WWP2: variants seen among roughly 807,000 people sequenced by gnomAD.
The protein encoded by WWP2 is NEDD4-like E3 ubiquitin-protein ligase WWP2.
In WWP2, 57 loss-of-function variants were observed where a neutral mutation model predicts 121.0. The observed-to-expected ratio is 0.47, with a 90% CI of 0.38 to 0.59. The LOEUF is 0.59. WWP2 is among the 20% of genes least tolerant of loss of function. The pLI is 0.00. For synonymous variants in WWP2, 449 were observed against 441.3 expected (o/e 1.02, Z -0.22); for missense variants, 962 against 1,158.9 (o/e 0.83, Z 2.47).
chr16:69,856,216 G>A (rs181239257), intron 6 of WWP2, among the ~76,000 whole-genome samples: 1 of 152,316 alleles, frequency 6.6e-6, no homozygotes, highest in Admixed American at 6.5e-5. Flanking sequence ...AGAAGCTTAT[G>A]TTCTATATGA....
At chr16:69,771,338 C>T (rs2055410824) in intron 1 of WWP2, among the ~76,000 whole-genome samples, 1 of 152,174 alleles carries the variant, frequency 6.6e-6, no homozygotes, top group Admixed American at 6.6e-5. Context: ...ACCTCCGCCT[C>T]CCGGGTTCAA....
chr16:69,834,964 C>T (rs1363490865), intron 4 of WWP2, among the ~76,000 whole-genome samples: 1 of 152,014 alleles, frequency 6.6e-6, no homozygotes, highest in East Asian at 1.9e-4. Context: ...CCATCTTGTT[C>T]CTGTTGAGTC....
Position 69,936,320 on chromosome 16 carries a change from A to G in WWP2, c.1985A>G (p.Asn662Ser), listed in dbSNP as rs1370625621. The change falls in exon 19 of 24, where the codon AAC becomes AGC. Residue 662 changes from asparagine (N) to serine (S), a missense_variant. Asn to Ser is a conservative substitution (Grantham distance 46). Around this residue, in one of 3 missense-constraint regions of WWP2, gnomAD observed 606 missense variants for 772.6 expected, o/e 0.78. Coordinates refer to ENST00000359154, the MANE Select transcript of WWP2 (RefSeq NM_001270454.2). ...YNSIVWIKEN[N>S]LEECGLELYF... is the part of the protein sequence containing the mutation. Reference sequence around the variant, plus strand: ...GTCTCCTGTGCCCCCAGAGAGAACAACCTGGAAGAATGTGGCCTGGAGCTG... The same window carrying G: ...GTCTCCTGTGCCCCCAGAGAGAACAGCCTGGAAGAATGTGGCCTGGAGCTG... 3.1e-6 allele frequency: 5 copies of G among 1,613,986 alleles called. No individual in the cohort carries two copies. In the South Asian group the frequency reaches 4.4e-5, roughly 14 times the overall value.
intron 7 of WWP2, among the ~76,000 whole-genome samples, chr16:69,875,785 A>C (rs2057724685): frequency 1.3e-5 from 2 of 151,886 alleles, no homozygotes; most frequent in African/African-American, 4.8e-5. Flanking sequence ...TTTCCACCAC[A>C]CCTGCATTTC....
intron 1 of WWP2, among the ~76,000 whole-genome samples, chr16:69,784,450 A>G (rs146098653): frequency 1.5e-3 from 230 of 152,222 alleles, no homozygotes; most frequent in Middle Eastern, 0.01. Context: ...CTGTGATCCC[A>G]TTCACACCAA....
chr16:69,803,998 T>C lies in WWP2; in HGVS notation c.340+4703T>C, dbSNP rs369536999. 1.6e-4 allele frequency among the ~76,000 whole-genome samples: 24 copies of C among 152,154 alleles called. No individual in the cohort carries two copies. The South Asian group carries it at 4.1e-3, about 26-fold the overall frequency. ...GATTTGTTGAAGGCTACTGAAGGAT[T>C]AAAAAAAAGTGTTTATTGCCCTATT... On this transcript the variant is annotated intron_variant, in intron 4 of 23. Coordinates refer to ENST00000359154, the MANE Select transcript of WWP2 (RefSeq NM_001270454.2).
Position 69,929,511 on chromosome 16 carries a change from A to G in WWP2, c.1298A>G (p.Glu433Gly), listed in dbSNP as rs1039810522. Residue 433 changes from glutamate to glycine, a missense_variant, in exon 12 of 24, where the codon GAG becomes GGG. Glu to Gly is a moderately conservative substitution (Grantham distance 98). Coordinates refer to ENST00000359154, the MANE Select transcript of WWP2 (RefSeq NM_001270454.2). ...VNHNTRTTQW[E>G]DPRTQGMIQE... Reference sequence around the variant, plus strand: ...CATAACACTCGCACGACCCAGTGGGAGGATCCCCGGACCCAGGGGTAAGGA... The same window carrying G: ...CATAACACTCGCACGACCCAGTGGGGGGATCCCCGGACCCAGGGGTAAGGA... 10 of 1,614,060 alleles carry G rather than the reference A, an allele frequency of 6.2e-6. No individual in the cohort carries two copies. Among genetic ancestry groups the G allele is most frequent in the Non-Finnish European group, 8.5e-6 (10 of 1,179,984 alleles).
chr16:69,873,273 TG>T (rs2057674909), intron 7 of WWP2, among the ~76,000 whole-genome samples: 1 of 152,190 alleles, frequency 6.6e-6, no homozygotes, highest in Non-Finnish European at 1.5e-5. Flanking sequence ...CAGCACCATA[TG>T]GGGGCTTCAG....
rs1190146640 is a variant in WWP2 at position 69,941,652 on chromosome 16, G to A, written c.*1712G>A. ...TGTCTGTACGGAATGCCCTTTGCTA[G>A]CCATGGGCTGGTCACCAGATTGTTT... is the stretch of plus-strand genomic sequence containing the variant. On this transcript the variant is annotated 3_prime_UTR_variant, in exon 24 of 24. Transcript: ENST00000359154. 1 of 153,760 alleles carries A rather than the reference G, an allele frequency of 6.5e-6. No homozygotes were observed. The allele number at this position is 153,760 out of a possible 1,614,324, so 9.5% of individuals were successfully genotyped here. A position where few individuals can be genotyped will look rare whatever the true frequency, so the allele number is the denominator to read the frequency against.
intron 19 of WWP2, 149 bp from the exon 20 acceptor site, chr16:69,936,969 T>C: frequency 8.9e-7 from 1 of 1,123,742 alleles, no homozygotes; most frequent in East Asian, 2.6e-5. Flanking sequence ...AGGGCCTCAC[T>C]CTAGGTCCTC....
chr16:69,859,671 A>G (rs2057380558), intron 6 of WWP2, among the ~76,000 whole-genome samples: 1 of 151,726 alleles, frequency 6.6e-6, no homozygotes, highest in Admixed American at 6.6e-5. Flanking sequence ...GTCCCTCTCA[A>G]CTCCTTAAGC....
intron 16 of WWP2, among the ~76,000 whole-genome samples, chr16:69,932,476 G>T (rs1041890093): frequency 6.6e-6 from 1 of 152,256 alleles, no homozygotes; most frequent in Non-Finnish European, 1.5e-5. Context: ...TCCTGGGAGG[G>T]GCGAGAGCTC....
intron 1 of WWP2, among the ~76,000 whole-genome samples, chr16:69,785,248 AAAGAC>A (rs2055760551): frequency 6.6e-6 from 1 of 151,854 alleles, no homozygotes; most frequent in South Asian, 2.1e-4. Flanking sequence ...AAAAAAGACA[AAAGAC>A]AAGGTAGTAG....
intron 18 of WWP2, 36 bp from the exon 19 acceptor site, chr16:69,936,276 G>A: frequency 6.2e-7 from 1 of 1,613,632 alleles, no homozygotes; most frequent in Non-Finnish European, 8.5e-7. Flanking sequence ...CCCTGACACG[G>A]TAGACATCTC....
chr16:69,888,092 G>A lies in WWP2; in HGVS notation c.757G>A (p.Val253Met). 3 of 1,614,190 alleles carry A rather than the reference G, an allele frequency of 1.9e-6. No homozygotes were observed. The highest frequency in any genetic ancestry group is 2.5e-6 in the Non-Finnish European group (3 of 1,180,030). ...TCCCGAAGAACCTTCCGTTGTTGGT[G>A]TGACGTCCCCACCTGCTGCACCCTT... Reference protein sequence around the residue: ...TDPEEPSVVGVTSPPAAPLSV... With the variant: ...TDPEEPSVVGMTSPPAAPLSV... Residue 253 changes from valine to methionine, a missense_variant, in exon 8 of 24, where the codon GTG becomes ATG. Val to Met is a conservative substitution (Grantham distance 21). This residue lies in a region of WWP2 where 211 missense variants were observed against 196.5 expected (regional missense o/e 1.07). Transcript: ENST00000359154.
chr16:69,819,956 A>G (rs2056562972), intron 4 of WWP2, among the ~76,000 whole-genome samples: 1 of 152,132 alleles, frequency 6.6e-6, no homozygotes, highest in African/African-American at 2.4e-5. Flanking sequence ...ATGGAATCAT[A>G]CAGCTGGGCA....
chr16:69,770,623 A>G (rs566813532), intron 1 of WWP2, among the ~76,000 whole-genome samples: 12 of 152,318 alleles, frequency 7.9e-5, no homozygotes, highest in Admixed American at 2.6e-4. Context: ...ACCTCGATTT[A>G]TAGCCGGTTG....
At chr16:69,816,270 T>C (rs1290459053) in intron 4 of WWP2, among the ~76,000 whole-genome samples, 2 of 151,978 alleles carry the variant, frequency 1.3e-5, no homozygotes, top group Non-Finnish European at 2.9e-5. Context: ...TCATATCATG[T>C]ATATTTTACC....
chr16:69,939,865 C>T lies in WWP2; in HGVS notation c.2538C>T (p.Pro846=). The change falls in exon 24 of 24, where the codon CCC becomes CCT. Residue 846 remains proline (P), a synonymous_variant. Transcript: ENST00000359154. ...HTCFNRLDLP[P]YKSYEQLREK... is the part of the protein sequence containing the mutation. ...GCTTCAACCGTCTGGATCTTCCACCCTACAAGAGCTACGAACAGCTGAGAG... is the reference window on the plus strand; with the variant it reads ...GCTTCAACCGTCTGGATCTTCCACCTTACAAGAGCTACGAACAGCTGAGAG... The T allele has an allele frequency of 6.2e-7, 1 of 1,613,976 alleles. No homozygotes were observed. The highest frequency in any genetic ancestry group is 1.1e-5 in the South Asian group (1 of 91,054).
Sources: allele counts gnomAD v4.1 joint callset (sites outside exome capture counted in the v4.1 genomes callset), GRCh38; gene constraint gnomAD v4.1.1; regional missense constraint gnomAD v4.1.1; transcripts MANE v1.5; gene names NCBI Gene and HGNC (gene_info 2026-07-23, HGNC 2026-07-21).